SGCZ: variants seen among roughly 807,000 people sequenced by gnomAD.
SGCZ encodes the protein zeta-sarcoglycan.
In SGCZ, 40 loss-of-function variants were observed where a neutral mutation model predicts 41.3. That is an observed-to-expected ratio of 0.97 (90% CI 0.75 to 1.26). SGCZ has a LOEUF of 1.26. SGCZ is among the 50% of genes most tolerant of loss of function. The probability of loss-of-function intolerance (pLI) is 0.00; values close to 1 mark genes in which losing one functional copy is unlikely to be tolerated. For synonymous variants in SGCZ, 206 were observed against 137.5 expected (o/e 1.50, Z -3.49); for missense variants, 552 against 369.8 (o/e 1.49, Z -4.04).
chr8:14,896,792 T>A (rs573052539), intron 1 of SGCZ, among the ~76,000 whole-genome samples: 1 of 148,856 alleles, frequency 6.7e-6, no homozygotes, highest in South Asian at 2.1e-4. Flanking sequence ...TTTTTTTCTT[T>A]TTTTGACACA....
chr8:14,401,282 AT>A (rs71209044), intron 2 of SGCZ, among the ~76,000 whole-genome samples: 29,823 of 149,674 alleles, frequency 0.2, 3,672 homozygotes, highest in Non-Finnish European at 0.29. Context: ...ATTTTTATTT[AT>A]TTTTTTTTCT....
At chr8:14,594,083 G>T (rs933060422) in intron 1 of SGCZ, among the ~76,000 whole-genome samples, 1 of 151,898 alleles carries the variant, frequency 6.6e-6, no homozygotes, top group African/African-American at 2.4e-5. Flanking sequence ...GCTGACGTGG[G>T]AGAATTGCTT....
chr8:14,252,440 T>G (rs771168053), intron 3 of SGCZ, among the ~76,000 whole-genome samples: 15 of 152,146 alleles, frequency 9.9e-5, no homozygotes, highest in Non-Finnish European at 2.1e-4. Context: ...ATCTGAAAAT[T>G]TCAATTACTG....
At chr8:14,255,400 T>A (rs918006524) in intron 3 of SGCZ, among the ~76,000 whole-genome samples, 2 of 152,194 alleles carry the variant, frequency 1.3e-5, no homozygotes, top group African/African-American at 4.8e-5. Context: ...ATCTCCATTG[T>A]AAGCCTAACA....
At chr8:14,408,468 C>A (rs1033750279) in intron 2 of SGCZ, among the ~76,000 whole-genome samples, 2 of 152,110 alleles carry the variant, frequency 1.3e-5, no homozygotes, top group African/African-American at 4.8e-5. Context: ...GCTCCATTCC[C>A]CTGCCCTCCA....
chr8:14,618,649 G>C (rs1271685530), intron 1 of SGCZ, among the ~76,000 whole-genome samples: 1 of 152,168 alleles, frequency 6.6e-6, no homozygotes, highest in Non-Finnish European at 1.5e-5. Context: ...GGATTTTAAA[G>C]AGCGGGATAA....
chr8:15,171,127 G>C (rs571436100), intron 1 of SGCZ, among the ~76,000 whole-genome samples: 1 of 152,162 alleles, frequency 6.6e-6, no homozygotes, highest in Non-Finnish European at 1.5e-5. Flanking sequence ...AATGCTTCCT[G>C]TTGGAGCTGA....
At chr8:14,126,324 G>C (rs570040228) in intron 5 of SGCZ, among the ~76,000 whole-genome samples, 1 of 152,218 alleles carries the variant, frequency 6.6e-6, no homozygotes, top group African/African-American at 2.4e-5. Context: ...CAAAGGACAT[G>C]AACAGACACT....
chr8:14,351,000 G>C (rs923066466), intron 2 of SGCZ, among the ~76,000 whole-genome samples: 1 of 152,108 alleles, frequency 6.6e-6, no homozygotes, highest in Non-Finnish European at 1.5e-5. Context: ...TGCATGCGTA[G>C]GGTCAGTCCT....
chr8:14,617,103 A>G (rs1585128523), intron 1 of SGCZ, among the ~76,000 whole-genome samples: 2 of 152,264 alleles, frequency 1.3e-5, no homozygotes, highest in East Asian at 3.9e-4. Flanking sequence ...TGTTATTACT[A>G]CTAAATTTTG....
chr8:15,012,798 CAT>C (rs369565889), intron 1 of SGCZ, among the ~76,000 whole-genome samples: 9 of 147,002 alleles, frequency 6.1e-5, no homozygotes, highest in Admixed American at 1.4e-4. Flanking sequence ...TGTGTGTGTG[CAT>C]ATATATATAT....
chr8:14,223,185 C>T (rs1806263141), intron 4 of SGCZ, among the ~76,000 whole-genome samples: 1 of 152,068 alleles, frequency 6.6e-6, no homozygotes, highest in South Asian at 2.1e-4. Context: ...GTACGTTTTA[C>T]CCTTACTGTA....
At chr8:14,911,229 T>A (rs1799272647) in intron 1 of SGCZ, among the ~76,000 whole-genome samples, 1 of 152,072 alleles carries the variant, frequency 6.6e-6, no homozygotes, top group Admixed American at 6.5e-5. Flanking sequence ...GGTGTCCACA[T>A]CTGGCTTCAT....
At chr8:14,989,344 A>T (rs527295985) in intron 1 of SGCZ, among the ~76,000 whole-genome samples, 38 of 152,002 alleles carry the variant, frequency 2.5e-4, no homozygotes, top group Non-Finnish European at 4.6e-4. Flanking sequence ...TCATTAGCCG[A>T]GCGTGGTGGT....
intron 1 of SGCZ, among the ~76,000 whole-genome samples, chr8:14,810,587 G>A (rs771478038): frequency 6.6e-6 from 1 of 152,044 alleles, no homozygotes; most frequent in South Asian, 2.1e-4. Flanking sequence ...AGGTATCAAA[G>A]GTGTTTTACA....
intron 1 of SGCZ, among the ~76,000 whole-genome samples, chr8:15,085,299 G>A (rs1805907674): frequency 6.6e-6 from 1 of 152,052 alleles, no homozygotes; most frequent in Admixed American, 6.5e-5. Flanking sequence ...TCAATGCCTA[G>A]CACCTTAAAT....
intron 5 of SGCZ, among the ~76,000 whole-genome samples, chr8:14,149,267 C>T (rs527946931): frequency 2.0e-5 from 3 of 152,102 alleles, no homozygotes; most frequent in South Asian, 2.1e-4. Context: ...ATTATATGAT[C>T]TTATACTAAG....
intron 4 of SGCZ, among the ~76,000 whole-genome samples, chr8:14,201,426 A>C (rs377426002): frequency 6.6e-6 from 1 of 152,162 alleles, no homozygotes; most frequent in Non-Finnish European, 1.5e-5. Context: ...ACATCCATGC[A>C]ACAGAATACT....
At chr8:14,956,282 C>T (rs1167474394) in intron 1 of SGCZ, among the ~76,000 whole-genome samples, 1 of 152,004 alleles carries the variant, frequency 6.6e-6, no homozygotes, top group African/African-American at 2.4e-5. Context: ...TCGTGATCCG[C>T]CTGCTTCAGC....
Sources: allele counts gnomAD v4.1 joint callset (sites outside exome capture counted in the v4.1 genomes callset), GRCh38; gene constraint gnomAD v4.1.1; transcripts MANE v1.5; gene names NCBI Gene and HGNC (gene_info 2026-07-23, HGNC 2026-07-21).